Variants in KLF12 observed in about 807,000 individuals in gnomAD.
KLF12 encodes KLF transcription factor 12.
KLF12 carries 9 observed loss-of-function variants against 37.8 expected under a neutral mutation model. The ratio of observed to expected loss-of-function variants is 0.24; its 90% confidence interval spans 0.14 to 0.42. The LOEUF is 0.42. Ranked by LOEUF, KLF12 falls within the 10% of genes least tolerant of loss-of-function variation. KLF12 has a pLI of 1.00. For missense variants in KLF12, 411 were observed against 516.0 expected (o/e 0.80, Z 1.97); for synonymous variants, 208 against 202.1 (o/e 1.03, Z -0.25).
At chr13:74,246,932 A>G in the KLF12 span, among the ~76,000 whole-genome samples, 2 of 152,344 alleles carry the variant, frequency 1.3e-5, no homozygotes, top group South Asian at 4.1e-4. Context: ...GCTCAGAGGA[A>G]TTAACTGGTA....
chr13:74,079,459 G>A (rs906285731), intron 1 of KLF12, among the ~76,000 whole-genome samples: 4 of 152,096 alleles, frequency 2.6e-5, no homozygotes, highest in Non-Finnish European at 2.9e-5. Flanking sequence ...AGATGGACTC[G>A]CAAAACTATA....
In KLF12 at chr13:73,708,484, G is replaced by T. The variant is rs150823534; in HGVS notation, c.1027+6884C>A. ...GAACACTGATAATGTCAGTGTCATTGTTCCATTTTAATGTCATGTCATACA... is the reference window on the plus strand; with the variant it reads ...GAACACTGATAATGTCAGTGTCATTTTTCCATTTTAATGTCATGTCATACA... On this transcript the variant is annotated intron_variant, in intron 7 of 7. Coordinates refer to ENST00000377669, the MANE Select transcript of KLF12 (RefSeq NM_007249.5). 5.5e-3 allele frequency among the ~76,000 whole-genome samples: 837 copies of T among 152,124 alleles called. 8 individuals are homozygous for T. The highest frequency in any genetic ancestry group is 0.019 in the African/African-American group (800 of 41,496).
the KLF12 span, among the ~76,000 whole-genome samples, chr13:74,261,633 T>C: frequency 1.3e-5 from 2 of 152,226 alleles, no homozygotes; most frequent in Admixed American, 6.5e-5. Flanking sequence ...ATATATATGA[T>C]TTAGATTTTA....
intron 5 of KLF12, among the ~76,000 whole-genome samples, chr13:73,767,339 T>C (rs772441168): frequency 4.6e-5 from 7 of 152,234 alleles, no homozygotes; most frequent in Non-Finnish European, 7.3e-5. Context: ...TCCTGATTCT[T>C]GCACCTGCAT....
chr13:73,904,819 T>G (rs1044690651), intron 3 of KLF12, among the ~76,000 whole-genome samples: 2 of 152,122 alleles, frequency 1.3e-5, no homozygotes, highest in Non-Finnish European at 2.9e-5. Context: ...ATGACAGCAC[T>G]GGGAGCCATA....
chr13:73,741,863 T>C (rs938168738), intron 6 of KLF12, among the ~76,000 whole-genome samples: 2 of 152,258 alleles, frequency 1.3e-5, no homozygotes, highest in Non-Finnish European at 2.9e-5. Context: ...CAAATATTTA[T>C]TGAGCACTTA....
At chr13:73,746,407 C>T (rs543711795) in intron 6 of KLF12, among the ~76,000 whole-genome samples, 5 of 152,244 alleles carry the variant, frequency 3.3e-5, no homozygotes, top group South Asian at 2.1e-4. Flanking sequence ...AACACACAGC[C>T]GCAACATAAC....
chr13:74,290,232 G>A, the KLF12 span, among the ~76,000 whole-genome samples: 786 of 152,240 alleles, frequency 5.2e-3, 7 homozygotes, highest in African/African-American at 0.018. Context: ...AATGAGACAC[G>A]GAGAAATAAT....
chr13:73,701,002 G>A (rs1031782771), intron 7 of KLF12, among the ~76,000 whole-genome samples: 6 of 152,166 alleles, frequency 3.9e-5, no homozygotes, highest in African/African-American at 1.2e-4. Flanking sequence ...GTGTAAATGA[G>A]CCCTGAAAGG....
At chr13:74,288,070 G>A in the KLF12 span, among the ~76,000 whole-genome samples, 1 of 109,728 alleles carries the variant, frequency 9.1e-6, no homozygotes, top group East Asian at 3.2e-4. Flanking sequence ...CTGGTTTGAA[G>A]GGGGGAAGGA....
Position 74,074,930 on chromosome 13 carries a change from C to A in KLF12, c.-32+58809G>T, listed in dbSNP as rs1874480597. The stretch of plus-strand genomic sequence containing the variant: ...TCTACAAAGGAACTGAAGCACACAG[C>A]ACAGCAGTATGCCAAGAGGGCTCAG... On this transcript the variant is annotated intron_variant, in intron 1 of 7. Transcript: ENST00000377669. Among the ~76,000 whole-genome samples the A allele has an allele frequency of 2.0e-5, 3 of 152,152 alleles. No homozygotes were observed. In the South Asian group the frequency reaches 6.2e-4, roughly 32 times the overall value.
chr13:73,737,732 A>G (rs1446263278), intron 6 of KLF12, among the ~76,000 whole-genome samples: 1 of 152,170 alleles, frequency 6.6e-6, no homozygotes, highest in East Asian at 1.9e-4. Context: ...GTGGAAATAT[A>G]CGAAACTGTC....
the KLF12 span, among the ~76,000 whole-genome samples, chr13:74,195,405 A>G: frequency 3.4e-3 from 515 of 152,236 alleles, 15 homozygotes; most frequent in East Asian, 0.079. Context: ...ACCTACTGCT[A>G]TGAATCCTAG....
intron 4 of KLF12, among the ~76,000 whole-genome samples, chr13:73,841,713 T>C (rs554759987): frequency 6.6e-6 from 1 of 152,278 alleles, no homozygotes; most frequent in South Asian, 2.1e-4. Flanking sequence ...GTTTATGCCA[T>C]TCCGTTGACA....
the KLF12 span, among the ~76,000 whole-genome samples, chr13:74,230,902 A>C: frequency 4.6e-5 from 7 of 152,122 alleles, no homozygotes; most frequent in African/African-American, 1.7e-4. Flanking sequence ...CCTAGTTTTC[A>C]TTAAACGTTG....
rs74095790 is a variant in KLF12, at chr13:73,832,386, A to G, written c.670+13441T>C. Among the ~76,000 whole-genome samples the G allele has an allele frequency of 4.2e-3, 634 of 152,284 alleles. 3 individuals carry two copies. The highest frequency in any genetic ancestry group is 0.014 in the African/African-American group (565 of 41,556). On this transcript the variant is annotated intron_variant, in intron 4 of 7. Coordinates refer to ENST00000377669, the MANE Select transcript of KLF12 (RefSeq NM_007249.5). ...AGTTCATGTTCTCTGGAGATTTACA[A>G]CCTAGGCCTCTAGAAGGTTTCCTCT...
intron 1 of KLF12, among the ~76,000 whole-genome samples, chr13:74,007,810 A>C (rs1384507056): frequency 6.6e-6 from 1 of 152,162 alleles, no homozygotes; most frequent in Non-Finnish European, 1.5e-5. Flanking sequence ...ATACCAAAAC[A>C]AAAAACATTT....
the KLF12 span, among the ~76,000 whole-genome samples, chr13:74,247,210 C>T: frequency 2.5e-3 from 376 of 152,202 alleles, 2 homozygotes; most frequent in African/African-American, 8.3e-3. Context: ...GTATCACAAA[C>T]GCTCTTGATG....
At chr13:73,854,714 C>G (rs557214547) in intron 3 of KLF12, among the ~76,000 whole-genome samples, 1 of 152,178 alleles carries the variant, frequency 6.6e-6, no homozygotes, top group African/African-American at 2.4e-5. Context: ...ATACGGCCTA[C>G]ACAAATCTCC....
Sources: allele counts gnomAD v4.1 joint callset (sites outside exome capture counted in the v4.1 genomes callset), GRCh38; gene constraint gnomAD v4.1.1; transcripts MANE v1.5; gene names NCBI Gene and HGNC (gene_info 2026-07-23, HGNC 2026-07-21).